DAGLA: variants seen among roughly 807,000 people sequenced by gnomAD.
The protein encoded by DAGLA is diacylglycerol lipase-alpha.
DAGLA carries 22 observed loss-of-function variants against 102.6 expected under a neutral mutation model. The observed-to-expected ratio is 0.21, with a 90% confidence interval of 0.15 to 0.31. The LOEUF (loss-of-function observed/expected upper bound fraction) is 0.31. Ranked by LOEUF, DAGLA falls within the 10% of genes least tolerant of loss-of-function variation. The probability of loss-of-function intolerance (pLI) is 1.00; values close to 1 mark genes in which losing one functional copy is unlikely to be tolerated. For synonymous variants in DAGLA, 578 were observed against 628.9 expected, an observed-to-expected ratio of 0.92 and a Z score of 1.21; for missense variants, 927 against 1,446.6, an observed-to-expected ratio of 0.64 and a Z score of 5.83.
intron 1 of DAGLA, among the ~76,000 whole-genome samples, chr11:61,703,342 C>T (rs1438960979): frequency 6.6e-6 from 1 of 150,388 alleles, no homozygotes; most frequent in Non-Finnish European, 1.5e-5. Context: ...ATGATGGGGG[C>T]GCTTGGGGTA....
At chr11:61,733,754 C>T (rs982715391) in intron 9 of DAGLA, among the ~76,000 whole-genome samples, 5 of 152,216 alleles carry the variant, frequency 3.3e-5, no homozygotes, top group South Asian at 4.1e-4. Context: ...CACTGCCCAG[C>T]GAGGAGGCGG....
intron 8 of DAGLA, among the ~76,000 whole-genome samples, chr11:61,730,040 C>T (rs943191374): frequency 2.6e-5 from 4 of 151,492 alleles, no homozygotes; most frequent in African/African-American, 7.3e-5. Flanking sequence ...CACTGCACTC[C>T]AGCTGCACTG....
rs1235668759 is a variant in DAGLA at position 61,744,824 on chromosome 11, C to T, written c.*335C>T. On this transcript the variant is annotated 3_prime_UTR_variant, in exon 20 of 20. Coordinates refer to ENST00000257215, the MANE Select transcript of DAGLA (RefSeq NM_006133.3). ...CCCCTGCTCCAGGACAGGCCATGGGCAAGCTGCCTCCCATCACTGCCTGCT... is the reference window on the plus strand; with the variant it reads ...CCCCTGCTCCAGGACAGGCCATGGGTAAGCTGCCTCCCATCACTGCCTGCT... 1 of 256,854 alleles carries T rather than the reference C, an allele frequency of 3.9e-6. No homozygotes were observed. The highest frequency in any genetic ancestry group is 2.2e-5 in the African/African-American group (1 of 44,988). 15.9% of individuals were successfully genotyped at this position (256,854 alleles called of 1,614,324 possible). A position where few individuals can be genotyped will look rare whatever the true frequency, so the allele number is the denominator to read the frequency against.
intron 8 of DAGLA, among the ~76,000 whole-genome samples, chr11:61,730,751 G>A (rs1009300162): frequency 2.0e-5 from 3 of 152,164 alleles, no homozygotes; most frequent in African/African-American, 7.2e-5. Flanking sequence ...GCCCCTGCCC[G>A]GAGCCCTGGG....
chr11:61,738,129 C>T lies in DAGLA; in HGVS notation c.1584-6C>T, dbSNP rs1375642962. On this transcript the variant is annotated splice_polypyrimidine_tract_variant and splice_region_variant and intron_variant, in intron 15 of 19. Coordinates refer to ENST00000257215, the MANE Select transcript of DAGLA (RefSeq NM_006133.3). ...GGCTGACGGCCCTGTCTCGTTCCCT[C>T]CCCAGGATTGGCCTCTCTCAGCTGG... is the stretch of plus-strand genomic sequence containing the variant. 6.2e-7 allele frequency: 1 copy of T among 1,612,878 alleles called. No individual in the cohort carries two copies. The highest frequency in any genetic ancestry group is 8.5e-7 in the Non-Finnish European group (1 of 1,179,366).
In DAGLA at chr11:61,735,627, G is replaced by T; in HGVS notation, c.1195G>T (p.Gly399Trp). ...DKKKVVISIR[G>W]TLSPKDALTD... ...GAAGAAAGTGGTGATCAGTATCCGG[G>T]GGACCCTGTCCCCCAAGGTACGCTG... Residue 399 changes from glycine to tryptophan, a missense_variant, in exon 11 of 20, where the codon GGG becomes TGG. By Grantham distance (184) the Gly-to-Trp change is radical. Around this residue, in one of 4 missense-constraint regions of DAGLA, gnomAD observed 218 missense variants for 459.6 expected, o/e 0.47. Coordinates refer to ENST00000257215, the MANE Select transcript of DAGLA (RefSeq NM_006133.3). The T allele has an allele frequency of 6.2e-7, 1 of 1,614,028 alleles. No homozygotes were observed. The highest frequency in any genetic ancestry group is 8.5e-7 in the Non-Finnish European group (1 of 1,179,940).
At position 61,739,494 on chromosome 11, in the gene DAGLA, C is replaced by T; in HGVS notation, c.1686C>T (p.Cys562=). Residue 562 remains cysteine (C), a synonymous_variant, in exon 17 of 20, where the codon TGC becomes TGT. Transcript: ENST00000257215. ...KWRIIVGATK[C]IPKSELPEEV... is the part of the protein sequence containing the mutation. ...GGATCATCGTGGGGGCCACCAAATGCATCCCCAAGTCGGAGCTGCCTGAGG... is the reference window on the plus strand; with the variant it reads ...GGATCATCGTGGGGGCCACCAAATGTATCCCCAAGTCGGAGCTGCCTGAGG... 1 of 1,613,974 alleles carries T rather than the reference C, an allele frequency of 6.2e-7. No homozygotes were observed. The highest frequency in any genetic ancestry group is 1.3e-5 in the African/African-American group (1 of 75,052).
chr11:61,744,550 TG>T lies in DAGLA; in HGVS notation c.*62del. 1 of 1,416,250 alleles carries T rather than the reference TG, an allele frequency of 7.1e-7. No individual in the cohort carries two copies. Among genetic ancestry groups the T allele is most frequent in the South Asian group, 1.4e-5 (1 of 72,762 alleles). The allele number at this position is 1,416,250 out of a possible 1,614,324, so 87.7% of individuals were successfully genotyped here. ...AGCAGGTGGCCCTGTGGGCACCTGG[TG>T]CCTGCCCCCTGCCGGGCAGCTTTAA... On this transcript the variant is annotated 3_prime_UTR_variant, in exon 20 of 20. Transcript: ENST00000257215.
intron 1 of DAGLA, among the ~76,000 whole-genome samples, chr11:61,709,503 T>C (rs2135569225): frequency 6.6e-6 from 1 of 152,304 alleles, no homozygotes; most frequent in Non-Finnish European, 1.5e-5. Context: ...CTGCTGTGGT[T>C]GACATTGCCT....
chr11:61,739,333 C>T, intron 16 of DAGLA, 132 bp from the exon 17 acceptor site: 1 of 905,064 alleles, frequency 1.1e-6, no homozygotes, highest in African/African-American at 1.6e-5. Context: ...GGCCACTGCC[C>T]TTCCCCTGCC....
At chr11:61,739,392 G>A (rs1030589013) in intron 16 of DAGLA, 73 bp from the exon 17 acceptor site, 55 of 1,382,524 alleles carry the variant, frequency 4.0e-5, no homozygotes, top group Middle Eastern at 2.4e-4. Context: ...CCCCCTTCTC[G>A]GTCCCCCTGC....
At chr11:61,688,825 G>A (rs751719123) in intron 1 of DAGLA, among the ~76,000 whole-genome samples, 2 of 152,238 alleles carry the variant, frequency 1.3e-5, no homozygotes, top group Non-Finnish European at 2.9e-5. Flanking sequence ...TGTCTGTTCC[G>A]GAAAGCGACG....
At position 61,720,903 on chromosome 11, in the gene DAGLA, C is replaced by A; in HGVS notation, c.307+13C>A. On this transcript the variant is annotated intron_variant, in intron 3 of 19. Transcript: ENST00000257215. Reference sequence around the variant, plus strand: ...TACGTGCGCCTGGGTAAGGGCCACCCACCCTGGGGTGCTGCCCCAGACAAC... The same window carrying A: ...TACGTGCGCCTGGGTAAGGGCCACCAACCCTGGGGTGCTGCCCCAGACAAC... 3 of 1,606,080 alleles carry A rather than the reference C, an allele frequency of 1.9e-6. No homozygotes were observed. Among genetic ancestry groups the A allele is most frequent in the Non-Finnish European group, 2.6e-6 (3 of 1,175,184 alleles).
rs781190785 is a variant in DAGLA at position 61,743,623 on chromosome 11, G to A, written c.2263G>A (p.Val755Met). Residue 755 changes from valine (V) to methionine (M), a missense_variant, in exon 20 of 20, where the codon GTG becomes ATG. Coordinates refer to ENST00000257215, the MANE Select transcript of DAGLA (RefSeq NM_006133.3). ...TGCGGCGGCGGCCCGCCAGGACCCG[G>A]TGGAGCTGCTGCTGCTGTCTACCCA... ...VVAAAARQDP[V>M]ELLLLSTQER... is the part of the protein sequence containing the mutation. 1 of 1,593,436 alleles carries A rather than the reference G, an allele frequency of 6.3e-7. No individual in the cohort carries two copies. Among genetic ancestry groups the A allele is most frequent in the Non-Finnish European group, 8.5e-7 (1 of 1,173,760 alleles).
chr11:61,681,781 C>T (rs1366268630), intron 1 of DAGLA, among the ~76,000 whole-genome samples: 2 of 152,138 alleles, frequency 1.3e-5, no homozygotes, highest in Middle Eastern at 3.2e-3. Flanking sequence ...ATGTTAAAAC[C>T]CCTCCATCTG....
chr11:61,713,875 G>A (rs895682794), intron 1 of DAGLA, among the ~76,000 whole-genome samples: 82 of 152,312 alleles, frequency 5.4e-4, no homozygotes, highest in African/African-American at 1.9e-3. Flanking sequence ...GATGGACCAC[G>A]AGAGCATAGC....
intron 9 of DAGLA, among the ~76,000 whole-genome samples, chr11:61,731,786 C>T (rs1404810926): frequency 6.6e-6 from 1 of 152,192 alleles, no homozygotes; most frequent in Admixed American, 6.5e-5. Flanking sequence ...AACACCCACA[C>T]TGCTGCCTCC....
At chr11:61,725,969 C>T (rs376120553) in intron 5 of DAGLA, 26 bp from the exon 6 acceptor site, 1 of 1,608,324 alleles carries the variant, frequency 6.2e-7, no homozygotes, top group Non-Finnish European at 8.5e-7. Flanking sequence ...TCTGACCTCA[C>T]ACATACCGCC....
At chr11:61,682,850 A>G (rs1407357830) in intron 1 of DAGLA, among the ~76,000 whole-genome samples, 4 of 88,256 alleles carry the variant, frequency 4.5e-5, no homozygotes, top group African/African-American at 4.7e-5. Context: ...TGGCAGGGGG[A>G]CGGGGGGGGG....
Sources: allele counts gnomAD v4.1 joint callset (sites outside exome capture counted in the v4.1 genomes callset), GRCh38; gene constraint gnomAD v4.1.1; regional missense constraint gnomAD v4.1.1; transcripts MANE v1.5; gene names NCBI Gene and HGNC (gene_info 2026-07-23, HGNC 2026-07-21).